ZNF385D: variants seen among roughly 807,000 people sequenced by gnomAD.
ZNF385D encodes zinc finger protein 659.
A neutral mutation model predicts 35.8 loss-of-function variants in ZNF385D; 15 were observed. That is an observed-to-expected ratio of 0.42 (90% CI 0.28 to 0.64). ZNF385D has a LOEUF of 0.64. Ranked by LOEUF, ZNF385D falls within the 30% of genes least tolerant of loss-of-function variation. The pLI is 0.23. For synonymous variants in ZNF385D, 212 were observed against 186.8 expected, an observed-to-expected ratio of 1.13 and a Z score of -1.10; for missense variants, 474 against 494.6, an observed-to-expected ratio of 0.96 and a Z score of 0.39.
intron 3 of ZNF385D, among the ~76,000 whole-genome samples, chr3:21,765,926 C>T (rs1026798232): frequency 1.3e-5 from 2 of 151,872 alleles, no homozygotes; most frequent in African/African-American, 4.8e-5. Flanking sequence ...TCTTTTACAC[C>T]TTTAATTAAT....
intron 1 of ZNF385D, among the ~76,000 whole-genome samples, chr3:21,726,650 C>T (rs2068777871): frequency 6.6e-6 from 1 of 152,052 alleles, no homozygotes; most frequent in African/African-American, 2.4e-5. Context: ...AACTACAAAC[C>T]ACTGATCAAG....
At chr3:22,183,621 T>C (rs1280912547) in intron 2 of ZNF385D, among the ~76,000 whole-genome samples, 1 of 152,082 alleles carries the variant, frequency 6.6e-6, no homozygotes, top group Non-Finnish European at 1.5e-5. Flanking sequence ...CTCCCGAGAA[T>C]GGAAAGTTTT....
intron 3 of ZNF385D, among the ~76,000 whole-genome samples, chr3:22,081,707 G>A (rs1418819884): frequency 6.6e-6 from 1 of 152,138 alleles, no homozygotes; most frequent in Non-Finnish European, 1.5e-5. Context: ...TTCCACGGCA[G>A]CCTTTGAGTT....
intron 2 of ZNF385D, among the ~76,000 whole-genome samples, chr3:22,228,480 T>G (rs929863534): frequency 2.6e-5 from 4 of 152,262 alleles, no homozygotes; most frequent in Non-Finnish European, 5.9e-5. Flanking sequence ...TGTGGATGGA[T>G]AAGTGTCCAC....
chr3:22,301,671 A>G (rs1431108113), intron 2 of ZNF385D, among the ~76,000 whole-genome samples: 1 of 152,070 alleles, frequency 6.6e-6, no homozygotes, highest in Non-Finnish European at 1.5e-5. Context: ...GTGGTAAAAT[A>G]TTACAAAGAT....
At chr3:21,850,205 G>A (rs1292065431) in intron 3 of ZNF385D, among the ~76,000 whole-genome samples, 1 of 152,008 alleles carries the variant, frequency 6.6e-6, no homozygotes, top group Non-Finnish European at 1.5e-5. Flanking sequence ...TGCACATGAT[G>A]GAAAAACTTG....
chr3:21,558,513 C>A (rs187649999), intron 3 of ZNF385D, among the ~76,000 whole-genome samples: 1 of 151,734 alleles, frequency 6.6e-6, no homozygotes, highest in Non-Finnish European at 1.5e-5. Context: ...CACTGTGTTC[C>A]GAGAGAATGT....
intron 2 of ZNF385D, among the ~76,000 whole-genome samples, chr3:22,288,947 C>T (rs1586824): frequency 0.44 from 66,598 of 151,820 alleles, 14,941 homozygotes; most frequent in African/African-American, 0.53. Flanking sequence ...CTGTTTTTAG[C>T]GGCCATCTGG....
At chr3:21,977,434 G>T (rs575649434) in intron 3 of ZNF385D, among the ~76,000 whole-genome samples, 1 of 152,104 alleles carries the variant, frequency 6.6e-6, no homozygotes, top group East Asian at 1.9e-4. Context: ...TGGCTTTCAA[G>T]GAACACAAAG....
intron 2 of ZNF385D, among the ~76,000 whole-genome samples, chr3:22,245,951 A>C (rs1352848222): frequency 6.6e-6 from 1 of 152,088 alleles, no homozygotes; most frequent in Non-Finnish European, 1.5e-5. Flanking sequence ...GCTTAATCTG[A>C]GCTCCTTATG....
chr3:22,069,240 C>T (rs1700115011), intron 3 of ZNF385D, among the ~76,000 whole-genome samples: 1 of 152,172 alleles, frequency 6.6e-6, no homozygotes, highest in Non-Finnish European at 1.5e-5. Flanking sequence ...GTGACTGGCT[C>T]AGGGTGATGA....
At chr3:21,935,653 A>G (rs745388661) in intron 3 of ZNF385D, among the ~76,000 whole-genome samples, 58 of 152,186 alleles carry the variant, frequency 3.8e-4, no homozygotes, top group Non-Finnish European at 1.3e-4. Context: ...TTTAGAAGTG[A>G]CCTTTTTTTC....
chr3:22,122,910 G>A (rs926211388), intron 3 of ZNF385D, among the ~76,000 whole-genome samples: 9 of 152,212 alleles, frequency 5.9e-5, no homozygotes, highest in African/African-American at 2.2e-4. Context: ...AACGCCATAA[G>A]TGACTGGAAA....
intron 1 of ZNF385D, among the ~76,000 whole-genome samples, chr3:21,697,414 T>A (rs955623427): frequency 6.6e-6 from 1 of 152,200 alleles, no homozygotes; most frequent in Admixed American, 6.5e-5. Context: ...TTGTTTTGAG[T>A]GTCCTATTTG....
chr3:21,559,257 T>C (rs2062853730), intron 3 of ZNF385D, among the ~76,000 whole-genome samples: 1 of 152,160 alleles, frequency 6.6e-6, no homozygotes, highest in Non-Finnish European at 1.5e-5. Flanking sequence ...TTCCTCATAG[T>C]GTCGATGGTC....
At chr3:21,558,058 GCTAGCAGTCTGTTTTGCTGA>G (rs1020397365) in intron 3 of ZNF385D, among the ~76,000 whole-genome samples, 8 of 150,806 alleles carry the variant, frequency 5.3e-5, no homozygotes, top group African/African-American at 1.9e-4. Context: ...TATTAGTCTG[GCTAGCAGTCTGTTTTGCTGA>G]TCTTTTCAAA....
chr3:22,058,707 C>T (rs545190927), intron 3 of ZNF385D, among the ~76,000 whole-genome samples: 1 of 152,272 alleles, frequency 6.6e-6, no homozygotes, highest in East Asian at 1.9e-4. Flanking sequence ...TTTAAGTACT[C>T]TAAAACATTT....
At chr3:22,079,740 T>C (rs890926566) in intron 3 of ZNF385D, among the ~76,000 whole-genome samples, 1 of 152,036 alleles carries the variant, frequency 6.6e-6, no homozygotes, top group Admixed American at 6.6e-5. Flanking sequence ...GGATGGTTTT[T>C]TCCTTTGGTT....
Position 22,059,724 on chromosome 3 carries a change from C to G in ZNF385D, c.325+109093G>C, listed in dbSNP as rs577974756. Among the ~76,000 whole-genome samples the G allele has an allele frequency of 2.0e-5, 3 of 152,268 alleles. No homozygotes were observed. The South Asian group carries it at 6.2e-4, about 32-fold the overall frequency. ...AGCAGAGATTTTTCGATTTTGTTTG[C>G]TGCTGTATCCCCAGGGCCTAACCAC... On this transcript the variant is annotated intron_variant, in intron 3 of 5. Transcript: ENST00000494108.
Sources: gnomAD v4.1 joint callset for allele counts (sites outside exome capture counted in the v4.1 genomes callset) on GRCh38, gnomAD v4.1.1 for gene constraint, MANE v1.5 for transcripts, NCBI Gene and HGNC (gene_info 2026-07-23, HGNC 2026-07-21) for gene names.